The following HK1 variants were observed in gnomAD, a reference collection of about 807,000 sequenced individuals.
HK1 encodes the protein hexokinase 1.
Under a neutral mutation model 91.6 loss-of-function variants are expected in HK1, and 28 were observed. The observed-to-expected ratio is 0.31, with a 90% CI of 0.23 to 0.42. The LOEUF is 0.42. Among genes scored for constraint, HK1 ranks in the 10% least tolerant of loss-of-function variants. The pLI, the probability that HK1 is intolerant of heterozygous loss-of-function variation, is 1.00. For missense variants in HK1, 770 were observed against 1,219.8 expected (o/e 0.63, Z 5.49); for synonymous variants, 430 against 468.1 (o/e 0.92, Z 1.05).
At chr10:69,336,800 C>T (rs761198650) in intron 1 of HK1, among the ~76,000 whole-genome samples, 10 of 151,982 alleles carry the variant, frequency 6.6e-5, no homozygotes, top group African/African-American at 9.6e-5. Flanking sequence ...CCACCACACC[C>T]GGCTAATTTT....
At chr10:69,327,279 C>T (rs1197347644) in intron 1 of HK1, among the ~76,000 whole-genome samples, 1 of 152,036 alleles carries the variant, frequency 6.6e-6, no homozygotes, top group Non-Finnish European at 1.5e-5. Context: ...TAGGCCTGAG[C>T]CCCCACACTC....
At chr10:69,326,374 G>A (rs1339317246) in intron 1 of HK1, among the ~76,000 whole-genome samples, 1 of 152,088 alleles carries the variant, frequency 6.6e-6, no homozygotes, top group African/African-American at 2.4e-5. Flanking sequence ...TCCCTCCCCA[G>A]GGCATCCTGC....
At chr10:69,390,794 G>A in intron 14 of HK1, among the ~76,000 whole-genome samples, 1 of 152,198 alleles carries the variant, frequency 6.6e-6, no homozygotes, top group East Asian at 1.9e-4. Flanking sequence ...CCTGGCCCTA[G>A]CCTCTTGAAT....
chr10:69,379,383 G>T (rs1196827366), intron 8 of HK1, among the ~76,000 whole-genome samples: 1 of 152,158 alleles, frequency 6.6e-6, no homozygotes, highest in Admixed American at 6.5e-5. Flanking sequence ...GGCACCATTT[G>T]CAGCAATAAC....
intron 13 of HK1, among the ~76,000 whole-genome samples, chr10:69,388,122 T>G (rs1381463266): frequency 6.6e-6 from 1 of 152,070 alleles, no homozygotes; most frequent in African/African-American, 2.4e-5. Flanking sequence ...CTACACAACT[T>G]ACAATATTTC....
In HK1 at chr10:69,293,798, C is replaced by A. The variant is rs141548165; in HGVS notation, c.-114-1835C>A. Among the ~76,000 whole-genome samples, 547 of 151,006 alleles carry A rather than the reference C, an allele frequency of 3.6e-3. 2 individuals are homozygous for A. The highest frequency in any genetic ancestry group is 0.013 in the African/African-American group (526 of 41,150). On this transcript the variant is annotated intron_variant, in intron 3 of 21. Coordinates refer to the HK1 transcript ENST00000360289. ...GGGCTCATTCACATAGTGGTGGTTG[C>A]AAGGGTTCCAAGAGCAGCATGGGAA...
chr10:69,335,648 G>T (rs773664408), intron 1 of HK1, among the ~76,000 whole-genome samples: 12 of 152,228 alleles, frequency 7.9e-5, no homozygotes, highest in Non-Finnish European at 1.3e-4. Context: ...GGTGTTGGAA[G>T]TGATGGTACC....
intron 4 of HK1, among the ~76,000 whole-genome samples, chr10:69,299,907 G>A (rs187428758): frequency 1.6e-3 from 244 of 150,992 alleles, no homozygotes; most frequent in Non-Finnish European, 2.4e-3. Context: ...TGATTCGCCT[G>A]CCTTGGCCTC....
At chr10:69,334,085 C>T (rs1345223357) in intron 1 of HK1, among the ~76,000 whole-genome samples, 1 of 152,030 alleles carries the variant, frequency 6.6e-6, no homozygotes, top group Non-Finnish European at 1.5e-5. Flanking sequence ...TACTCTCCAG[C>T]CTGGTGACAA....
upstream of HK1, chr10:69,315,800 G>C (rs193254377): frequency 1.3e-6 from 1 of 747,892 alleles, no homozygotes; most frequent in African/African-American, 1.7e-5. Context: ...TTGCATGAGG[G>C]GTTGGGGGTG....
intron 3 of HK1, among the ~76,000 whole-genome samples, chr10:69,289,805 G>C (rs12218331): frequency 0.21 from 30,077 of 144,600 alleles, 3,775 homozygotes; most frequent in Non-Finnish European, 0.28. Flanking sequence ...AATTTTAACA[G>C]AGACAAGGTC....
chr10:69,314,584 C>G (rs181537499), upstream of HK1, among the ~76,000 whole-genome samples: 920 of 152,294 alleles, frequency 6.0e-3, 17 homozygotes, highest in Admixed American at 0.026. Context: ...GGGCTGGGCA[C>G]AATGGCTCAC....
chr10:69,358,132 G>GA (rs1849222815), intron 2 of HK1, among the ~76,000 whole-genome samples: 1 of 152,182 alleles, frequency 6.6e-6, no homozygotes, highest in African/African-American at 2.4e-5. Flanking sequence ...ATGTGCTGTG[G>GA]AAGGCAGGGG....
intron 3 of HK1, among the ~76,000 whole-genome samples, chr10:69,294,322 A>G (rs1234333324): frequency 6.6e-6 from 1 of 152,122 alleles, no homozygotes; most frequent in Non-Finnish European, 1.5e-5. Flanking sequence ...CAAACAATTT[A>G]CCACACCCTC....
At chr10:69,337,074 A>G (rs1380933869) in intron 1 of HK1, among the ~76,000 whole-genome samples, 1 of 152,110 alleles carries the variant, frequency 6.6e-6, no homozygotes, top group African/African-American at 2.4e-5. Context: ...CCTCCCCATA[A>G]CCCTCTGAAG....
intron 1 of HK1, among the ~76,000 whole-genome samples, chr10:69,333,864 G>A (rs902644452): frequency 1.3e-5 from 2 of 152,288 alleles, no homozygotes; most frequent in African/African-American, 2.4e-5. Flanking sequence ...TGTAATCCCA[G>A]CACTTTGGGA....
At chr10:69,294,735 G>A (rs1200932292) in intron 3 of HK1, among the ~76,000 whole-genome samples, 1 of 152,086 alleles carries the variant, frequency 6.6e-6, no homozygotes. Context: ...GGTGGCGGAT[G>A]CCTGTAATCC....
At chr10:69,297,554 T>A (rs902499099) in intron 4 of HK1, among the ~76,000 whole-genome samples, 1 of 152,194 alleles carries the variant, frequency 6.6e-6, no homozygotes, top group African/African-American at 2.4e-5. Context: ...CCCTCCTTTA[T>A]TTCCTAGACC....
Position 69,401,142 on chromosome 10 carries a change from G to A in HK1, c.*7G>A, listed in dbSNP as rs375340341. The A allele has an allele frequency of 1.1e-5, 17 of 1,612,316 alleles. No individual in the cohort carries two copies. The South Asian group carries it at 1.1e-4, about 10-fold the overall frequency. On this transcript the variant is annotated 3_prime_UTR_variant, in exon 18 of 18. Transcript: ENST00000359426. ...CACAGAGGCAAGCAGCTAAGAGTCC[G>A]GGATCCCCAGCCTACTGCCTCTCCA...
Sources: allele counts gnomAD v4.1 joint callset (sites outside exome capture counted in the v4.1 genomes callset), GRCh38; gene constraint gnomAD v4.1.1; transcripts MANE v1.5; gene names NCBI Gene and HGNC (gene_info 2026-07-23, HGNC 2026-07-21).